Variants in RAB6C observed in about 807,000 individuals in gnomAD.
RAB6C encodes the protein ras-related protein Rab-6C.
RAB6C carries 8 observed loss-of-function variants against 17.2 expected under a neutral mutation model. The ratio of observed to expected loss-of-function variants is 0.46; its 90% CI spans 0.27 to 0.84. RAB6C has a LOEUF of 0.84. RAB6C is among the 40% of genes least tolerant of loss of function. The pLI is 0.13. For synonymous variants in RAB6C, 78 were observed against 118.9 expected (o/e 0.66, Z 2.24); for missense variants, 151 against 306.5 (o/e 0.49, Z 3.79).
At position 129,981,414 on chromosome 2, in the gene RAB6C, ATACTGAG is replaced by A. The variant is rs1204571475; in HGVS notation, c.*539_*545del. The A allele has an allele frequency of 5.7e-6, 1 of 174,976 alleles. No homozygotes were observed. The highest frequency in any genetic ancestry group is 5.8e-5 in the Admixed American group (1 of 17,134). 10.8% of individuals were successfully genotyped at this position (174,976 alleles called of 1,614,324 possible). A position where few individuals can be genotyped will look rare whatever the true frequency, so the allele number is the denominator to read the frequency against. On this transcript the variant is annotated 3_prime_UTR_variant, in exon 1 of 1. Transcript: ENST00000410061. Reference sequence around the variant, plus strand: ...ATCTTCAAAATGAGTCCTAAAGAACATACTGAGTACTTATAAGTAGCAGAACATAAAA... The same window carrying A: ...ATCTTCAAAATGAGTCCTAAAGAACATACTTATAAGTAGCAGAACATAAAA...
chr2:129,980,884 A>C lies in RAB6C; in HGVS notation c.*4A>C. 6.2e-7 allele frequency: 1 copy of C among 1,601,724 alleles called. No homozygotes were observed. Among genetic ancestry groups the C allele is most frequent in the Non-Finnish European group, 8.5e-7 (1 of 1,171,762 alleles). ...GCTGCCTGTCTCGTGGAGGTGATCT[A>C]TTAGCTTCACAAGCACAAAAAAAGT... On this transcript the variant is annotated 3_prime_UTR_variant, in exon 1 of 1. Coordinates refer to ENST00000410061, the MANE Select transcript of RAB6C (RefSeq NM_032144.3).
At position 129,980,835 on chromosome 2, in the gene RAB6C, A is replaced by G. The variant is rs749901986; in HGVS notation, c.720A>G (p.Leu240=). 5.6e-6 allele frequency: 9 copies of G among 1,603,086 alleles called. No individual in the cohort carries two copies. The highest frequency in any genetic ancestry group is 1.7e-4 in the Middle Eastern group (1 of 6,006). ...VNIGLNLFPS[L]ITFCNSSLLP... ...TTGGCTTGAACCTTTTCCCTTCATT[A>G]ATAACGTTTTGCAATTCATCATTGC... is the stretch of plus-strand genomic sequence containing the variant. The change falls in exon 1 of 1, where the codon TTA becomes TTG. Residue 240 remains leucine, a synonymous_variant. Transcript: ENST00000410061.
rs928776686 is a variant in RAB6C at position 129,981,652 on chromosome 2, A to G, written c.*772A>G. On this transcript the variant is annotated 3_prime_UTR_variant, in exon 1 of 1. Transcript: ENST00000410061. ...TAAAAAGTAAGAAACCTCTGTAAGC[A>G]ATAGATTTTGCTTGGGTTTTCTTTC... 6.0e-6 allele frequency: 1 copy of G among 167,152 alleles called. No individual in the cohort carries two copies. 10.4% of individuals were successfully genotyped at this position (167,152 alleles called of 1,614,324 possible).
rs1350825311 is a variant in RAB6C at position 129,979,719 on chromosome 2, G to GT, written c.-396dup. Reference sequence around the variant, plus strand: ...GGCTGGGGAAGCCGAAGCGCCGCGCGTGAGAGATCCCGGATACATCTGCGG... The same window carrying GT: ...GGCTGGGGAAGCCGAAGCGCCGCGCGTTGAGAGATCCCGGATACATCTGCGG... On this transcript the variant is annotated 5_prime_UTR_variant, in exon 1 of 1. Transcript: ENST00000410061. The GT allele has an allele frequency of 3.7e-6, 1 of 271,862 alleles. No homozygotes were observed. Among genetic ancestry groups the GT allele is most frequent in the Admixed American group, 5.0e-5 (1 of 20,078 alleles). 16.8% of individuals were successfully genotyped at this position (271,862 alleles called of 1,614,324 possible). A position where few individuals can be genotyped will look rare whatever the true frequency, so the allele number is the denominator to read the frequency against.
At position 129,980,362 on chromosome 2, in the gene RAB6C, A is replaced by C. The variant is rs1174915589; in HGVS notation, c.247A>C (p.Ile83Leu). The change falls in exon 1 of 1, where the codon ATC (isoleucine) becomes CTC (leucine). Residue 83 changes from isoleucine (I) to leucine (L), a missense_variant. Transcript: ENST00000410061. ...TCTCCGTAGCCTCATTCCCAGGTAC[A>C]TCCGTGATTCTGCTGCAGCTGTAGT... ...ERLRSLIPRY[I>L]RDSAAAVVVY... 1 of 1,612,146 alleles carries C rather than the reference A, an allele frequency of 6.2e-7. No homozygotes were observed. The highest frequency in any genetic ancestry group is 2.2e-5 in the East Asian group (1 of 44,802).
Position 129,980,030 on chromosome 2 carries a change from C to T in RAB6C, c.-86C>T, listed in dbSNP as rs62159364. On this transcript the variant is annotated 5_prime_UTR_variant, in exon 1 of 1. Transcript: ENST00000410061. The stretch of plus-strand genomic sequence containing the variant: ...GCAGAGAGCTCGGCGCCCGCCCTTC[C>T]GCTCGCCTTTTTCGTCAGCCGGCTG... The T allele has an allele frequency of 1.3e-4, 202 of 1,603,084 alleles. No homozygotes were observed. The highest frequency in any genetic ancestry group is 1.6e-4 in the Non-Finnish European group (185 of 1,174,748).
At position 129,979,739 on chromosome 2, in the gene RAB6C, C is replaced by A; in HGVS notation, c.-377C>A. The A allele has an allele frequency of 2.9e-6, 1 of 346,778 alleles. No homozygotes were observed. The allele number at this position is 346,778 out of a possible 1,614,324, so 21.5% of individuals were successfully genotyped here. The stretch of plus-strand genomic sequence containing the variant: ...CGCGCGTGAGAGATCCCGGATACAT[C>A]TGCGGTTTGGGCTCCGCCACCCTCC... On this transcript the variant is annotated 5_prime_UTR_variant, in exon 1 of 1. In the 5' UTR this introduces an upstream ATG that the reference lacks. Coordinates refer to ENST00000410061, the MANE Select transcript of RAB6C (RefSeq NM_032144.3).
chr2:129,981,138 C>T lies in RAB6C; in HGVS notation c.*258C>T, dbSNP rs1409803748. ...TGCTCTTCTCACCTCTCCCTTACCC[C>T]GTTCCCTATTTCCGTGTTCTTACCT... On this transcript the variant is annotated 3_prime_UTR_variant, in exon 1 of 1. Transcript: ENST00000410061. 3 of 256,184 alleles carry T rather than the reference C, an allele frequency of 1.2e-5. No homozygotes were observed. Among genetic ancestry groups the T allele is most frequent in the Admixed American group, 5.0e-5 (1 of 19,900 alleles). The allele number at this position is 256,184 out of a possible 1,614,324, so 15.9% of individuals were successfully genotyped here.
rs1681756173 is a variant in RAB6C, at chr2:129,981,098, T to A, written c.*218T>A. ...GTTAACGAGCAGTATGTTCACAGCC[T>A]GCTTTATCTCTCCTTGCTCTTCTCA... On this transcript the variant is annotated 3_prime_UTR_variant, in exon 1 of 1. Transcript: ENST00000410061. 3 of 539,392 alleles carry A rather than the reference T, an allele frequency of 5.6e-6. No individual in the cohort carries two copies. Among genetic ancestry groups the A allele is most frequent in the African/African-American group, 1.9e-5 (1 of 52,434 alleles). The allele number at this position is 539,392 out of a possible 1,614,324, so 33.4% of individuals were successfully genotyped here. A position where few individuals can be genotyped will look rare whatever the true frequency, so the allele number is the denominator to read the frequency against.
Position 129,981,130 on chromosome 2 carries a change from C to T in RAB6C, c.*250C>T, listed in dbSNP as rs1162835761. 6.6e-6 allele frequency: 2 copies of T among 303,118 alleles called. No homozygotes were observed. Among genetic ancestry groups the T allele is most frequent in the Non-Finnish European group, 1.3e-5 (2 of 154,160 alleles). The allele number at this position is 303,118 out of a possible 1,614,324, so 18.8% of individuals were successfully genotyped here. ...TCTCTCCTTGCTCTTCTCACCTCTC[C>T]CTTACCCCGTTCCCTATTTCCGTGT... is the stretch of plus-strand genomic sequence containing the variant. On this transcript the variant is annotated 3_prime_UTR_variant, in exon 1 of 1. Transcript: ENST00000410061.
rs1456275953 is a variant in RAB6C at position 129,981,227 on chromosome 2, T to C, written c.*347T>C. The stretch of plus-strand genomic sequence containing the variant: ...AAAGCAGCAGTCCGACCAAGCCCAC[T>C]GGAATTATCCTTTAATTTTACAGAT... On this transcript the variant is annotated 3_prime_UTR_variant, in exon 1 of 1. Coordinates refer to ENST00000410061, the MANE Select transcript of RAB6C (RefSeq NM_032144.3). The C allele has an allele frequency of 4.7e-6, 1 of 214,166 alleles. No individual in the cohort carries two copies. The highest frequency in any genetic ancestry group is 1.0e-5 in the Non-Finnish European group (1 of 97,336). 13.3% of individuals were successfully genotyped at this position (214,166 alleles called of 1,614,324 possible).
In RAB6C at chr2:129,980,709, G is replaced by A. The variant is rs1336354252; in HGVS notation, c.594G>A (p.Glu198=). The change falls in exon 1 of 1, where the codon GAG becomes GAA. Residue 198 remains glutamate, a synonymous_variant. Coordinates refer to ENST00000410061, the MANE Select transcript of RAB6C (RefSeq NM_032144.3). ...MSDIKLEKPQ[E]QTVSEGGCSC... ...ACATAAAACTGGAAAAGCCTCAGGA[G>A]CAAACAGTCAGCGAAGGGGGTTGTT... is the stretch of plus-strand genomic sequence containing the variant. 1.4e-5 allele frequency: 22 copies of A among 1,607,494 alleles called. No homozygotes were observed. The highest frequency in any genetic ancestry group is 1.7e-5 in the Admixed American group (1 of 59,638).
Position 129,979,788 on chromosome 2 carries a change from GC to G in RAB6C, c.-326del. On this transcript the variant is annotated 5_prime_UTR_variant, in exon 1 of 1. Coordinates refer to ENST00000410061, the MANE Select transcript of RAB6C (RefSeq NM_032144.3). ...CCGTCTCTCTCCCGCAGGTCTCTGA[GC>G]CGGGTGCGGAAGGAGGGAACGGCCC... 2 of 457,300 alleles carry G rather than the reference GC, an allele frequency of 4.4e-6. No individual in the cohort carries two copies. The highest frequency in any genetic ancestry group is 6.3e-5 in the South Asian group (2 of 31,864). The allele number at this position is 457,300 out of a possible 1,614,324, so 28.3% of individuals were successfully genotyped here. A position where few individuals can be genotyped will look rare whatever the true frequency, so the allele number is the denominator to read the frequency against.
chr2:129,979,843 G>C lies in RAB6C; in HGVS notation c.-273G>C. ...CCTTGGGAAGCCAAAGCACACCCCT[G>C]GCTCCTGCCGACACCGCCCTCCTTC... On this transcript the variant is annotated 5_prime_UTR_variant, in exon 1 of 1. Coordinates refer to ENST00000410061, the MANE Select transcript of RAB6C (RefSeq NM_032144.3). 3.3e-6 allele frequency: 2 copies of C among 601,328 alleles called. No homozygotes were observed. The highest frequency in any genetic ancestry group is 6.0e-6 in the Non-Finnish European group (2 of 331,524). 37.2% of individuals were successfully genotyped at this position (601,328 alleles called of 1,614,324 possible). A position where few individuals can be genotyped will look rare whatever the true frequency, so the allele number is the denominator to read the frequency against.
chr2:129,982,665 T>C lies in RAB6C; in HGVS notation c.*1785T>C, dbSNP rs915197061. ...AAAGTGCTTTTATAATACAATATAA[T>C]TGCTAAAGGCAAGGGTTGACTCTTT... On this transcript the variant is annotated 3_prime_UTR_variant, in exon 1 of 1. Coordinates refer to ENST00000410061, the MANE Select transcript of RAB6C (RefSeq NM_032144.3). 6.6e-5 allele frequency: 11 copies of C among 167,134 alleles called. No homozygotes were observed. The highest frequency in any genetic ancestry group is 1.4e-4 in the African/African-American group (6 of 41,468). 10.4% of individuals were successfully genotyped at this position (167,134 alleles called of 1,614,324 possible).
At position 129,982,575 on chromosome 2, in the gene RAB6C, A is replaced by G. The variant is rs952854856; in HGVS notation, c.*1695A>G. On this transcript the variant is annotated 3_prime_UTR_variant, in exon 1 of 1. Transcript: ENST00000410061. ...CTTGGATTATGGATCTGAATAGAGA[A>G]ATGCTTACAGATAATCATTAGCCCA... 1.2e-5 allele frequency: 2 copies of G among 167,138 alleles called. No individual in the cohort carries two copies. The allele number at this position is 167,138 out of a possible 1,614,324, so 10.4% of individuals were successfully genotyped here.
rs1681740628 is a variant in RAB6C, at chr2:129,980,539, G to A, written c.424G>A (p.Glu142Lys). The change falls in exon 1 of 1, where the codon GAG becomes AAG. Residue 142 changes from glutamate (E) to lysine (K), a missense_variant. Around this residue, in one of 2 missense-constraint regions of RAB6C, gnomAD observed 136 missense variants for 200.0 expected, o/e 0.68. Coordinates refer to ENST00000410061, the MANE Select transcript of RAB6C (RefSeq NM_032144.3). ...DKRQVSVEEG[E>K]RKAKGLNVTF... ...GAGGCAAGTGTCAGTTGAGGAGGGA[G>A]AGAGGAAAGCCAAAGGGCTGAATGT... is the stretch of plus-strand genomic sequence containing the variant. The A allele has an allele frequency of 8.1e-6, 13 of 1,614,206 alleles. No individual in the cohort carries two copies. The highest frequency in any genetic ancestry group is 1.1e-5 in the Non-Finnish European group (13 of 1,180,048).
Position 129,979,730 on chromosome 2 carries a change from C to T in RAB6C, c.-386C>T. ...CCGAAGCGCCGCGCGTGAGAGATCC[C>T]GGATACATCTGCGGTTTGGGCTCCG... On this transcript the variant is annotated 5_prime_UTR_variant, in exon 1 of 1. Transcript: ENST00000410061. The T allele has an allele frequency of 3.2e-6, 1 of 314,778 alleles. No individual in the cohort carries two copies. Among genetic ancestry groups the T allele is most frequent in the Non-Finnish European group, 6.1e-6 (1 of 164,782 alleles). The allele number at this position is 314,778 out of a possible 1,614,324, so 19.5% of individuals were successfully genotyped here.
In RAB6C at chr2:129,982,077, C is replaced by T. The variant is rs200435489; in HGVS notation, c.*1197C>T. 8 of 23,624 alleles carry T rather than the reference C, an allele frequency of 3.4e-4. No individual in the cohort carries two copies. Among genetic ancestry groups the T allele is most frequent in the African/African-American group, 7.8e-4 (8 of 10,286 alleles). 1.5% of individuals were successfully genotyped at this position (23,624 alleles called of 1,614,324 possible). A position where few individuals can be genotyped will look rare whatever the true frequency, so the allele number is the denominator to read the frequency against. ...TTTGTATTAGATCTGTATAGTTTAA[C>T]TAGTGATTTAGTTTTATATTTAAGC... On this transcript the variant is annotated 3_prime_UTR_variant, in exon 1 of 1. Transcript: ENST00000410061.
Sources: gnomAD v4.1 joint callset for allele counts on GRCh38, gnomAD v4.1.1 for gene constraint, gnomAD v4.1.1 regional missense constraint, MANE v1.5 for transcripts, NCBI Gene and HGNC (gene_info 2026-07-23, HGNC 2026-07-21) for gene names.